The following SLC2A13 variants were observed in gnomAD, a reference collection of about 807,000 sequenced individuals.
SLC2A13 encodes proton myo-inositol cotransporter.
In SLC2A13, 32 loss-of-function variants were observed where a neutral mutation model predicts 64.4. The ratio of observed to expected loss-of-function variants is 0.50; its 90% confidence interval spans 0.37 to 0.67. SLC2A13 has a LOEUF of 0.67. Ranked by LOEUF, SLC2A13 falls within the 30% of genes least tolerant of loss-of-function variation. SLC2A13 has a pLI of 0.00. For missense variants in SLC2A13, 743 were observed against 829.2 expected (o/e 0.90, Z 1.28); for synonymous variants, 338 against 327.1 (o/e 1.03, Z -0.36).
In SLC2A13 at chr12:40,081,731, T is replaced by G. The variant is rs549386581; in HGVS notation, c.556+23522A>C. Among the ~76,000 whole-genome samples the G allele has an allele frequency of 2.0e-5, 3 of 152,302 alleles. No individual in the cohort carries two copies. The South Asian group carries it at 6.2e-4, about 32-fold the overall frequency. Reference sequence around the variant, plus strand: ...CTTGCTGTCGAGCTCATGTGGTCATTTGGAGGTAAGATGACACTCTCTGGC... The same window carrying G: ...CTTGCTGTCGAGCTCATGTGGTCATGTGGAGGTAAGATGACACTCTCTGGC... On this transcript the variant is annotated intron_variant, in intron 1 of 9. Coordinates refer to ENST00000280871, the MANE Select transcript of SLC2A13 (RefSeq NM_052885.4).
chr12:39,909,855 GT>G (rs1171615288), intron 4 of SLC2A13, among the ~76,000 whole-genome samples: 1 of 147,316 alleles, frequency 6.8e-6, no homozygotes, highest in Non-Finnish European at 1.5e-5. Context: ...TCTTCTTACA[GT>G]TTGTTTTTTT....
chr12:40,021,507 G>C (rs1281277703), intron 3 of SLC2A13, among the ~76,000 whole-genome samples: 2 of 152,198 alleles, frequency 1.3e-5, no homozygotes, highest in African/African-American at 4.8e-5. Flanking sequence ...GAGAATTAAA[G>C]TAGCTTTTTA....
At chr12:39,918,461 C>T (rs1452507691) in intron 4 of SLC2A13, among the ~76,000 whole-genome samples, 2 of 151,386 alleles carry the variant, frequency 1.3e-5, no homozygotes, top group Admixed American at 6.6e-5. Flanking sequence ...CCATTACTGG[C>T]TCTTCCATGG....
chr12:39,819,953 C>G (rs1942444838), intron 7 of SLC2A13: 1 of 152,258 alleles, frequency 6.6e-6, no homozygotes, highest in South Asian at 2.1e-4. Flanking sequence ...AGAAAAAACT[C>G]TTTATCTTTG....
chr12:40,103,049 G>A (rs1321661111), intron 1 of SLC2A13, among the ~76,000 whole-genome samples: 3 of 152,124 alleles, frequency 2.0e-5, no homozygotes, highest in African/African-American at 4.8e-5. Flanking sequence ...GAAGTGAGAT[G>A]GGCCACACCA....
rs538295697 is a variant in SLC2A13 at position 39,808,396 on chromosome 12, G to A, written c.1445+21707C>T. 5.9e-5 allele frequency among the ~76,000 whole-genome samples: 9 copies of A among 152,230 alleles called. No individual in the cohort carries two copies. In the South Asian group the frequency reaches 1.2e-3, roughly 21 times the overall value. On this transcript the variant is annotated intron_variant, in intron 7 of 9. Coordinates refer to ENST00000280871, the MANE Select transcript of SLC2A13 (RefSeq NM_052885.4). ...TTCCAATTTTGTCCATTATGAATAAGGCTGCTATAAACGACTGTGTAGAAA... is the reference window on the plus strand; with the variant it reads ...TTCCAATTTTGTCCATTATGAATAAAGCTGCTATAAACGACTGTGTAGAAA...
chr12:39,987,037 GT>G (rs1947044537), intron 3 of SLC2A13, among the ~76,000 whole-genome samples: 1 of 152,056 alleles, frequency 6.6e-6, no homozygotes, highest in African/African-American at 2.4e-5. Flanking sequence ...TAACAACCTG[GT>G]TTCCCCTTTG....
At chr12:39,998,985 C>G (rs777478285) in intron 3 of SLC2A13, among the ~76,000 whole-genome samples, 1 of 151,982 alleles carries the variant, frequency 6.6e-6, no homozygotes, top group Non-Finnish European at 1.5e-5. Flanking sequence ...AGTTAGGGAC[C>G]CCGAATGGAG....
At chr12:39,961,330 CA>C (rs1258686443) in intron 3 of SLC2A13, among the ~76,000 whole-genome samples, 2 of 151,860 alleles carry the variant, frequency 1.3e-5, no homozygotes, top group South Asian at 2.1e-4. Flanking sequence ...CTACCTGCCT[CA>C]GCCTCCCAAA....
chr12:39,780,915 A>AAAAT (rs1190759488), intron 7 of SLC2A13, among the ~76,000 whole-genome samples: 1 of 152,216 alleles, frequency 6.6e-6, no homozygotes, highest in Non-Finnish European at 1.5e-5. Context: ...GCAATTATTT[A>AAAAT]AAATAGAACT....
chr12:40,087,932 G>GT (rs1305552246), intron 1 of SLC2A13, among the ~76,000 whole-genome samples: 1 of 152,092 alleles, frequency 6.6e-6, no homozygotes, highest in Non-Finnish European at 1.5e-5. Context: ...TATACTGATT[G>GT]TAAGTATAAA....
intron 4 of SLC2A13, among the ~76,000 whole-genome samples, chr12:39,934,358 G>A (rs1345695015): frequency 6.6e-6 from 1 of 152,198 alleles, no homozygotes; most frequent in Non-Finnish European, 1.5e-5. Context: ...CTAATCGAAT[G>A]TTGATTCCTT....
In SLC2A13 at chr12:39,868,106, G is replaced by A. The variant is rs1943953504; in HGVS notation, c.1199-3224C>T. 2.6e-5 allele frequency among the ~76,000 whole-genome samples: 4 copies of A among 152,128 alleles called. No individual in the cohort carries two copies. In the South Asian group the frequency reaches 8.3e-4, roughly 32 times the overall value. On this transcript the variant is annotated intron_variant, in intron 5 of 9. Coordinates refer to ENST00000280871, the MANE Select transcript of SLC2A13 (RefSeq NM_052885.4). Reference sequence around the variant, plus strand: ...CTTGTTAGTATTTAAAATCAATCTGGTTATTGTCAAGTTATTCATTATTAC... The same window carrying A: ...CTTGTTAGTATTTAAAATCAATCTGATTATTGTCAAGTTATTCATTATTAC...
intron 4 of SLC2A13, among the ~76,000 whole-genome samples, chr12:39,889,894 T>C (rs186702215): frequency 4.6e-5 from 7 of 152,292 alleles, no homozygotes; most frequent in African/African-American, 1.7e-4. Flanking sequence ...TACAAAACTC[T>C]CTATAATCAT....
Position 39,895,812 on chromosome 12 carries a change from GTA to G in SLC2A13, c.1035-23853_1035-23852del, listed in dbSNP as rs1944785542. On this transcript the variant is annotated intron_variant, in intron 4 of 9. Transcript: ENST00000280871. ...TACACACATGTATATGCGTGTATAC[GTA>G]CACACATGTATATGCGTGTATATGC... Among the ~76,000 whole-genome samples, 3 of 81,254 alleles carry G rather than the reference GTA, an allele frequency of 3.7e-5. 1 individual carries two copies. The highest frequency in any genetic ancestry group is 1.8e-4 in the African/African-American group (3 of 16,928). The allele number at this position is 81,254 out of a possible 152,430, so 53.3% of individuals were successfully genotyped here. A position where few individuals can be genotyped will look rare whatever the true frequency, so the allele number is the denominator to read the frequency against.
chr12:40,100,694 T>A (rs1005497311), intron 1 of SLC2A13, among the ~76,000 whole-genome samples: 1 of 152,154 alleles, frequency 6.6e-6, no homozygotes, highest in South Asian at 2.1e-4. Flanking sequence ...CCGGGCATGG[T>A]GGCTCACACC....
At chr12:39,977,200 T>C (rs970279429) in intron 3 of SLC2A13, among the ~76,000 whole-genome samples, 11 of 152,206 alleles carry the variant, frequency 7.2e-5, no homozygotes, top group African/African-American at 2.7e-4. Flanking sequence ...GTTTGTAGTA[T>C]TAATCCCATT....
chr12:40,095,003 T>C (rs17442469), intron 1 of SLC2A13, among the ~76,000 whole-genome samples: 18,937 of 152,170 alleles, frequency 0.12, 1,564 homozygotes, highest in Middle Eastern at 0.19. Flanking sequence ...TGGGAGCCCA[T>C]AGAAGCTCTC....
At chr12:39,786,535 G>C (rs1941195757) in intron 7 of SLC2A13, among the ~76,000 whole-genome samples, 1 of 152,138 alleles carries the variant, frequency 6.6e-6, no homozygotes, top group African/African-American at 2.4e-5. Flanking sequence ...AAGGGAAGAG[G>C]GTTTCAAGGT....
Sources: gnomAD v4.1 joint callset for allele counts (sites outside exome capture counted in the v4.1 genomes callset) on GRCh38, gnomAD v4.1.1 for gene constraint, MANE v1.5 for transcripts, NCBI Gene and HGNC (gene_info 2026-07-23, HGNC 2026-07-21) for gene names.